The following FBXO21 variants were observed in gnomAD, a reference collection of about 807,000 sequenced individuals.
FBXO21 encodes the protein F-box only protein 21.
A neutral mutation model predicts 76.6 loss-of-function variants in FBXO21; 32 were observed. The observed-to-expected ratio is 0.42, with a 90% CI of 0.32 to 0.56. The LOEUF is 0.56. FBXO21 is among the 20% of genes least tolerant of loss of function. The pLI is 0.16. For synonymous variants in FBXO21, 328 were observed against 311.5 expected (o/e 1.05, Z -0.56); for missense variants, 586 against 797.3 (o/e 0.73, Z 3.19).
chr12:117,143,244 A>G lies in FBXO21; in HGVS notation c.*2843T>C, dbSNP rs1308343724. ...GGGGAGGGAAATTCCAGGGTTTCAT[A>G]TATCAAGATGACACACCCGCTGCAC... On this transcript the variant is annotated 3_prime_UTR_variant, in exon 12 of 12. Transcript: ENST00000622495. 2.0e-5 allele frequency: 3 copies of G among 152,026 alleles called. No homozygotes were observed. Among genetic ancestry groups the G allele is most frequent in the East Asian group, 3.9e-4 (2 of 5,156 alleles). The allele number at this position is 152,026 out of a possible 1,614,324, so 9.4% of individuals were successfully genotyped here.
In FBXO21 at chr12:117,142,210, A is replaced by T. The variant is rs1431410974; in HGVS notation, c.*3877T>A. 2 of 152,242 alleles carry T rather than the reference A, an allele frequency of 1.3e-5. No homozygotes were observed. Among genetic ancestry groups the T allele is most frequent in the Non-Finnish European group, 2.9e-5 (2 of 68,052 alleles). 9.4% of individuals were successfully genotyped at this position (152,242 alleles called of 1,614,324 possible). A position where few individuals can be genotyped will look rare whatever the true frequency, so the allele number is the denominator to read the frequency against. ...GGCGAGGTAGTTGCTTGCGCCGCAG[A>T]GTGTGGGTGTGAACAGCTGGAGCTC... On this transcript the variant is annotated 3_prime_UTR_variant, in exon 12 of 12. Transcript: ENST00000622495.
At position 117,149,882 on chromosome 12, in the gene FBXO21, C is replaced by T. The variant is rs7303660; in HGVS notation, c.1676-3605G>A. ...GGGCAACAGGACCCAACAGCTACTA[C>T]ACAGAATTCTGAACATGGGCCCAGA... On this transcript the variant is annotated intron_variant, in intron 11 of 11. Transcript: ENST00000622495. 1.4e-3 allele frequency among the ~76,000 whole-genome samples: 211 copies of T among 152,314 alleles called. 1 individual carries two copies. Among genetic ancestry groups the T allele is most frequent in the African/African-American group, 4.9e-3 (205 of 41,564 alleles).
chr12:117,157,552 G>C (rs548496536), intron 10 of FBXO21, among the ~76,000 whole-genome samples: 19 of 152,232 alleles, frequency 1.2e-4, no homozygotes, highest in African/African-American at 4.3e-4. Flanking sequence ...ATGAGGAAAT[G>C]AGAGAAAAAA....
intron 9 of FBXO21, among the ~76,000 whole-genome samples, chr12:117,163,625 G>GTA (rs1173342110): frequency 6.6e-6 from 1 of 151,592 alleles, no homozygotes; most frequent in Non-Finnish European, 1.5e-5. Flanking sequence ...AGTAAAAAGT[G>GTA]TATATATATC....
At chr12:117,152,818 A>C (rs1363813995) in intron 11 of FBXO21, among the ~76,000 whole-genome samples, 1 of 152,206 alleles carries the variant, frequency 6.6e-6, no homozygotes, top group African/African-American at 2.4e-5. Flanking sequence ...GTGCAGGAAA[A>C]CAGTAAAATC....
chr12:117,153,668 CAGGACTCCG>C lies in FBXO21; in HGVS notation c.1675+2114_1675+2122del, dbSNP rs137916435. Among the ~76,000 whole-genome samples, 975 of 152,340 alleles carry C rather than the reference CAGGACTCCG, an allele frequency of 6.4e-3. 57 individuals carry two copies. In the East Asian group the frequency reaches 0.12, roughly 18 times the overall value. Reference sequence around the variant, plus strand: ...GCTGGGGGAGATCTGCCCCTTGGCCCAGGACTCCGAGTCCCTCAGGAAGCGCTTGCTGAC... The same window carrying C: ...GCTGGGGGAGATCTGCCCCTTGGCCCAGTCCCTCAGGAAGCGCTTGCTGAC... On this transcript the variant is annotated intron_variant, in intron 11 of 11. Transcript: ENST00000622495.
chr12:117,150,902 TCAGGCGGGAGGACTGTATGG>T (rs1955832292), intron 11 of FBXO21, among the ~76,000 whole-genome samples: 1 of 147,562 alleles, frequency 6.8e-6, no homozygotes. Flanking sequence ...TGTGTGTGTG[TCAGGCGGGAGGACTGTATGG>T]GTGGAAAGTT....
intron 10 of FBXO21, among the ~76,000 whole-genome samples, chr12:117,157,041 G>A (rs1955924247): frequency 1.3e-5 from 2 of 152,114 alleles, no homozygotes; most frequent in East Asian, 3.8e-4. Flanking sequence ...AAATTAGCCA[G>A]GCGTGGTGGT....
In FBXO21 at chr12:117,174,208, A is replaced by T. The variant is rs1956150895; in HGVS notation, c.873T>A (p.His291Gln). Reference protein sequence around the residue: ...DYYNALNLYMHQVLIRRTGIP... With the variant: ...DYYNALNLYMQQVLIRRTGIP... ...ATATTACTGTACCTATATTTACCTG[A>T]TGCATATATAAGTTGAGGGCATTAT... is the stretch of plus-strand genomic sequence containing the variant. The change falls in exon 6 of 12, where the codon CAT becomes CAA. Residue 291 changes from histidine to glutamine, a missense_variant. By Grantham distance (24) the His-to-Gln change is conservative. Transcript: ENST00000622495. 6.2e-7 allele frequency: 1 copy of T among 1,610,714 alleles called. No individual in the cohort carries two copies. Among genetic ancestry groups the T allele is most frequent in the Non-Finnish European group, 8.5e-7 (1 of 1,176,860 alleles).
At chr12:117,175,851 T>C (rs983674666) in intron 4 of FBXO21, among the ~76,000 whole-genome samples, 27 of 152,210 alleles carry the variant, frequency 1.8e-4, no homozygotes, top group African/African-American at 6.3e-4. Context: ...CTTATGACAC[T>C]GATGTGGAAG....
intron 11 of FBXO21, among the ~76,000 whole-genome samples, chr12:117,148,049 G>A (rs1397642269): frequency 6.6e-6 from 1 of 152,220 alleles, no homozygotes; most frequent in South Asian, 2.1e-4. Flanking sequence ...GGGCATCAGA[G>A]GCCCTGCATC....
intron 2 of FBXO21, among the ~76,000 whole-genome samples, chr12:117,187,692 T>C (rs1336539143): frequency 6.6e-6 from 1 of 152,144 alleles, no homozygotes; most frequent in Non-Finnish European, 1.5e-5. Context: ...CAATCCATCA[T>C]TATTACACAG....
intron 7 of FBXO21, among the ~76,000 whole-genome samples, chr12:117,168,168 T>C (rs777235768): frequency 8.5e-5 from 13 of 152,186 alleles, no homozygotes; most frequent in African/African-American, 1.4e-4. Context: ...AGCATATTCC[T>C]CTCTTTGGTT....
intron 10 of FBXO21, among the ~76,000 whole-genome samples, chr12:117,156,280 G>T (rs908901871): frequency 1.3e-5 from 2 of 152,142 alleles, no homozygotes; most frequent in African/African-American, 4.8e-5. Flanking sequence ...TTCTAAAATA[G>T]AAAGTATCTT....
chr12:117,142,604 C>A lies in FBXO21; in HGVS notation c.*3483G>T, dbSNP rs184056609. The A allele has an allele frequency of 6.7e-6, 1 of 149,112 alleles. No individual in the cohort carries two copies. Among genetic ancestry groups the A allele is most frequent in the East Asian group, 1.9e-4 (1 of 5,136 alleles). 9.2% of individuals were successfully genotyped at this position (149,112 alleles called of 1,614,324 possible). Reference sequence around the variant, plus strand: ...ATAATACGTACAGTACAGCTATTCACGTCTCCAAAAAGCAATTGTCCCACA... The same window carrying A: ...ATAATACGTACAGTACAGCTATTCAAGTCTCCAAAAAGCAATTGTCCCACA... On this transcript the variant is annotated 3_prime_UTR_variant, in exon 12 of 12. Coordinates refer to ENST00000622495, the MANE Select transcript of FBXO21 (RefSeq NM_015002.3).
intron 10 of FBXO21, 136 bp from the exon 11 acceptor site, chr12:117,156,084 AC>A: frequency 1.4e-6 from 1 of 711,234 alleles, no homozygotes. Flanking sequence ...GACACCCCTA[AC>A]CCCTTTTATA....
At chr12:117,182,446 A>G (rs1406416811) in intron 3 of FBXO21, among the ~76,000 whole-genome samples, 4 of 151,686 alleles carry the variant, frequency 2.6e-5, no homozygotes, top group African/African-American at 9.7e-5. Context: ...CCATGATTGC[A>G]CCACTGTACT....
intron 9 of FBXO21, among the ~76,000 whole-genome samples, chr12:117,163,200 C>T (rs1411169474): frequency 1.3e-5 from 2 of 152,318 alleles, no homozygotes; most frequent in East Asian, 1.9e-4. Context: ...AGCATCACTT[C>T]GACAATGACT....
At chr12:117,150,260 T>G (rs1355557572) in intron 11 of FBXO21, among the ~76,000 whole-genome samples, 5 of 152,194 alleles carry the variant, frequency 3.3e-5, no homozygotes, top group Admixed American at 2.0e-4. Flanking sequence ...TCCTGAGAAA[T>G]CTTCCTGGAT....
Sources: gnomAD v4.1 joint callset for allele counts (sites outside exome capture counted in the v4.1 genomes callset) on GRCh38, gnomAD v4.1.1 for gene constraint, MANE v1.5 for transcripts, NCBI Gene and HGNC (gene_info 2026-07-23, HGNC 2026-07-21) for gene names.